Variants in TANK observed in about 807,000 individuals in gnomAD.
TANK encodes TRAF family member-associated NF-kappa-B activator.
Under a neutral mutation model 43.6 loss-of-function variants are expected in TANK, and 15 were observed. The observed-to-expected ratio is 0.34, with a 90% CI of 0.23 to 0.53. The LOEUF is 0.53. Ranked by LOEUF, TANK falls within the 20% of genes least tolerant of loss-of-function variation. The pLI is 0.94. For missense variants in TANK, 417 were observed against 498.6 expected (o/e 0.84, Z 1.56); for synonymous variants, 162 against 178.2 (o/e 0.91, Z 0.73).
At chr2:161,219,700 T>G (rs1037469100) in intron 4 of TANK, 2 of 446,486 alleles carry the variant, frequency 4.5e-6, no homozygotes, top group Admixed American at 2.9e-5. Context: ...TCTCAGCCCT[T>G]TTTTCACTTT....
intron 7 of TANK, 92 bp downstream of exon 7, chr2:161,231,643 C>A (rs1173462156): frequency 8.3e-7 from 1 of 1,198,394 alleles, no homozygotes; most frequent in Non-Finnish European, 1.2e-6. Context: ...CGTTATCAAA[C>A]ATCCTTTTTA....
chr2:161,157,172 A>G (rs1684249859), upstream of TANK, among the ~76,000 whole-genome samples: 1 of 152,074 alleles, frequency 6.6e-6, no homozygotes, highest in Non-Finnish European at 1.5e-5. Context: ...CCATACCAAC[A>G]CCTTTGATTG....
At chr2:161,157,484 T>C (rs1335867851), upstream of TANK, among the ~76,000 whole-genome samples, 2 of 152,182 alleles carry the variant, frequency 1.3e-5, no homozygotes, top group Non-Finnish European at 2.9e-5. Flanking sequence ...TTGGAGAGTC[T>C]GCAATATAAT....
intron 7 of TANK, among the ~76,000 whole-genome samples, chr2:161,233,863 GAA>G (rs1258769572): frequency 6.6e-6 from 1 of 151,952 alleles, no homozygotes; most frequent in Non-Finnish European, 1.5e-5. Flanking sequence ...TGTTTAAACT[GAA>G]AACATTAAAA....
intron 2 of TANK, among the ~76,000 whole-genome samples, chr2:161,181,563 G>A (rs1685426865): frequency 6.6e-6 from 1 of 152,130 alleles, no homozygotes; most frequent in Non-Finnish European, 1.5e-5. Context: ...ATGGCAGAAG[G>A]CAAAGCAGAA....
At chr2:161,227,676 A>G (rs751063439) in intron 6 of TANK, among the ~76,000 whole-genome samples, 1 of 152,246 alleles carries the variant, frequency 6.6e-6, no homozygotes, top group Non-Finnish European at 1.5e-5. Flanking sequence ...CAGATTCTCC[A>G]GCATTCACCT....
At chr2:161,157,044 G>A (rs1486407863), upstream of TANK, among the ~76,000 whole-genome samples, 1 of 151,982 alleles carries the variant, frequency 6.6e-6, no homozygotes, top group Non-Finnish European at 1.5e-5. Context: ...GGGTCATAGA[G>A]TGGAGAAACT....
chr2:161,182,346 A>G (rs537592928), intron 2 of TANK, among the ~76,000 whole-genome samples: 17 of 152,196 alleles, frequency 1.1e-4, no homozygotes, highest in African/African-American at 3.9e-4. Flanking sequence ...CCCCTCCCCA[A>G]GTTGCAAGTC....
At chr2:161,219,028 T>C (rs1412486347) in intron 4 of TANK, among the ~76,000 whole-genome samples, 1 of 152,172 alleles carries the variant, frequency 6.6e-6, no homozygotes, top group Admixed American at 6.5e-5. Flanking sequence ...CTATTTTGCA[T>C]TAAAAAAGCA....
At chr2:161,198,181 CA>C (rs1312017842) in intron 2 of TANK, among the ~76,000 whole-genome samples, 5 of 152,304 alleles carry the variant, frequency 3.3e-5, no homozygotes, top group African/African-American at 1.2e-4. Flanking sequence ...ATTCCCACTC[CA>C]AAATGGAGCA....
At chr2:161,188,741 T>G (rs1026911516) in intron 2 of TANK, among the ~76,000 whole-genome samples, 10 of 152,208 alleles carry the variant, frequency 6.6e-5, no homozygotes, top group African/African-American at 2.4e-4. Flanking sequence ...GTATCACTTA[T>G]GAATATTTGC....
At chr2:161,145,697 A>C (rs1683891397) in intron 1 of TANK, among the ~76,000 whole-genome samples, 1 of 151,918 alleles carries the variant, frequency 6.6e-6, no homozygotes, top group South Asian at 2.1e-4. Flanking sequence ...GTTCACTGTT[A>C]GTCTGATGGG....
chr2:161,137,230 C>T, intron 1 of TANK: 1 of 985,298 alleles, frequency 1.0e-6, no homozygotes, highest in East Asian at 1.1e-4. Context: ...AGAAATTTGG[C>T]CTTTAAAAAA....
intron 1 of TANK, among the ~76,000 whole-genome samples, chr2:161,173,318 C>T (rs896209000): frequency 2.0e-5 from 3 of 152,156 alleles, no homozygotes; most frequent in Admixed American, 1.3e-4. Flanking sequence ...TAAAATGCAC[C>T]ATATTAATGA....
At position 161,231,211 on chromosome 2, in the gene TANK, G is replaced by T. The variant is rs1462854989; in HGVS notation, c.761G>T (p.Gly254Val). The T allele has an allele frequency of 6.2e-7, 1 of 1,613,910 alleles. No individual in the cohort carries two copies. The highest frequency in any genetic ancestry group is 1.1e-5 in the South Asian group (1 of 91,080). Residue 254 changes from glycine (G) to valine (V), a missense_variant, in exon 7 of 8, where the codon GGC becomes GTC. Coordinates refer to ENST00000392749, the MANE Select transcript of TANK (RefSeq NM_001199135.3). ...TTACATAGCACTCCAGAGAGACCCG[G>T]CATCCTTAGTCCTGCCACGTCTGAG... is the stretch of plus-strand genomic sequence containing the variant. The part of the protein sequence containing the change: ...TFLHSTPERP[G>V]ILSPATSEAV...
chr2:161,201,186 C>T (rs1686395243), intron 2 of TANK: 3 of 984,374 alleles, frequency 3.0e-6, no homozygotes, highest in Non-Finnish European at 2.4e-6. Context: ...TTTGCTCGAC[C>T]TTTATAATAC....
At chr2:161,210,860 C>A (rs974590549) in intron 4 of TANK, among the ~76,000 whole-genome samples, 4 of 152,026 alleles carry the variant, frequency 2.6e-5, no homozygotes, top group African/African-American at 4.8e-5. Context: ...TTCTTACTTG[C>A]CTTTATCTTG....
At chr2:161,207,881 G>A (rs1369419246) in intron 4 of TANK, 1 of 984,946 alleles carries the variant, frequency 1.0e-6, no homozygotes, top group Non-Finnish European at 1.2e-6. Context: ...TAAGGTGATG[G>A]TATGATTCTT....
intron 2 of TANK, among the ~76,000 whole-genome samples, chr2:161,187,323 C>T (rs1312513734): frequency 2.0e-5 from 3 of 152,016 alleles, no homozygotes; most frequent in African/African-American, 4.8e-5. Flanking sequence ...CCCAGCTACT[C>T]AGGAGACAGG....
Sources: gnomAD v4.1 joint callset for allele counts (sites outside exome capture counted in the v4.1 genomes callset) on GRCh38, gnomAD v4.1.1 for gene constraint, MANE v1.5 for transcripts, NCBI Gene and HGNC (gene_info 2026-07-23, HGNC 2026-07-21) for gene names.